RANBP17: variants seen among roughly 807,000 people sequenced by gnomAD.
RANBP17 encodes the protein ran-binding protein 17.
In RANBP17, 158 loss-of-function variants were observed where a neutral mutation model predicts 141.2. The ratio of observed to expected loss-of-function variants is 1.12; its 90% CI spans 0.98 to 1.28. The LOEUF is 1.28. Among genes scored for constraint, RANBP17 ranks in the 50% most tolerant of loss-of-function variants. The pLI, the probability that RANBP17 is intolerant of heterozygous loss-of-function variation, is 0.00. For missense variants in RANBP17, 1,438 were observed against 1,290.7 expected (o/e 1.11, Z -1.75); for synonymous variants, 430 against 450.0 (o/e 0.96, Z 0.56).
intron 24 of RANBP17, chr5:171,251,769 C>T: frequency 9.9e-7 from 1 of 1,013,882 alleles, no homozygotes; most frequent in Non-Finnish European, 1.5e-6. Context: ...CCTCCCGCGC[C>T]CGCCCCCGCC....
Position 171,171,241 on chromosome 5 carries a change from C to A in RANBP17, c.1820C>A (p.Pro607His). ...CTTAAATACTGGGGAAGATATGAGCCTGTAATTTCAAGGACTCTTCAGTTC... is the reference window on the plus strand; with the variant it reads ...CTTAAATACTGGGGAAGATATGAGCATGTAATTTCAAGGACTCTTCAGTTC... ...TNLKYWGRYE[P>H]VISRTLQFLN... Residue 607 changes from proline to histidine, a missense_variant, in exon 16 of 28, where the codon CCT becomes CAT. Transcript: ENST00000523189. The A allele has an allele frequency of 6.3e-7, 1 of 1,597,870 alleles. No individual in the cohort carries two copies. Among genetic ancestry groups the A allele is most frequent in the Non-Finnish European group, 8.6e-7 (1 of 1,169,264 alleles).
intron 14 of RANBP17, among the ~76,000 whole-genome samples, chr5:171,161,985 T>G (rs1421313534): frequency 6.6e-6 from 1 of 152,174 alleles, no homozygotes; most frequent in Non-Finnish European, 1.5e-5. Flanking sequence ...GCCCTAAAAT[T>G]TAATCGTCAT....
chr5:171,104,571 C>G (rs890368708), intron 14 of RANBP17, among the ~76,000 whole-genome samples: 1 of 152,170 alleles, frequency 6.6e-6, no homozygotes, highest in Non-Finnish European at 1.5e-5. Flanking sequence ...CAGAAATGAC[C>G]TGTTAGGAGC....
intron 3 of RANBP17, among the ~76,000 whole-genome samples, chr5:170,886,008 C>T (rs1335907964): frequency 1.3e-5 from 2 of 151,894 alleles, no homozygotes; most frequent in Non-Finnish European, 2.9e-5. Context: ...GGCTTGATGG[C>T]TCTCATGGCT....
intron 13 of RANBP17, among the ~76,000 whole-genome samples, chr5:170,955,021 A>G (rs1341326623): frequency 6.6e-6 from 1 of 152,050 alleles, no homozygotes; most frequent in Non-Finnish European, 1.5e-5. Flanking sequence ...ACCCTAAACT[A>G]CACATGTGAG....
chr5:170,870,516 A>G (rs1436438126), intron 1 of RANBP17, among the ~76,000 whole-genome samples: 1 of 152,152 alleles, frequency 6.6e-6, no homozygotes, highest in Non-Finnish European at 1.5e-5. Flanking sequence ...AATGGCTTCC[A>G]GCTTCATCCA....
chr5:171,006,126 G>A (rs1779583830), intron 14 of RANBP17, among the ~76,000 whole-genome samples: 1 of 152,134 alleles, frequency 6.6e-6, no homozygotes, highest in Non-Finnish European at 1.5e-5. Flanking sequence ...GGAGAAATAG[G>A]AACAGTTTTA....
At chr5:171,019,348 G>T (rs943540060) in intron 14 of RANBP17, among the ~76,000 whole-genome samples, 48 of 152,084 alleles carry the variant, frequency 3.2e-4, no homozygotes, top group African/African-American at 1.2e-3. Context: ...ACTCCTTTTT[G>T]TACCTCTGGT....
At chr5:171,193,736 A>G (rs1761800184) in intron 18 of RANBP17, among the ~76,000 whole-genome samples, 2 of 152,152 alleles carry the variant, frequency 1.3e-5, no homozygotes, top group Non-Finnish European at 2.9e-5. Context: ...CCATGCTGCC[A>G]TCTTTGTGGT....
intron 14 of RANBP17, among the ~76,000 whole-genome samples, chr5:171,119,078 TGTTAAGGTAGTTTCCTTCTATACCAGA>T (rs1375994831): frequency 6.6e-6 from 1 of 152,220 alleles, no homozygotes; most frequent in Non-Finnish European, 1.5e-5. Flanking sequence ...GCCTTTATTG[TGTTAAGGTAGTTTCCTTCTATACCAGA>T]TTTATTGAGA....
chr5:171,132,962 T>C (rs1047955683), intron 14 of RANBP17, among the ~76,000 whole-genome samples: 3 of 152,106 alleles, frequency 2.0e-5, no homozygotes, highest in African/African-American at 7.2e-5. Context: ...CTCAGCTCAC[T>C]GCAACCTCCG....
chr5:171,116,979 G>C (rs937887377), intron 14 of RANBP17, among the ~76,000 whole-genome samples: 4 of 152,146 alleles, frequency 2.6e-5, no homozygotes, highest in Non-Finnish European at 5.9e-5. Context: ...CCATGATTCT[G>C]TGAATGATAG....
intron 14 of RANBP17, among the ~76,000 whole-genome samples, chr5:171,137,434 T>C (rs945231677): frequency 6.6e-6 from 1 of 152,168 alleles, no homozygotes; most frequent in Non-Finnish European, 1.5e-5. Context: ...CCAGCATTTG[T>C]ATAAACTTGG....
At chr5:170,977,227 A>G (rs755013065) in intron 14 of RANBP17, among the ~76,000 whole-genome samples, 7 of 152,126 alleles carry the variant, frequency 4.6e-5, no homozygotes, top group Admixed American at 2.0e-4. Context: ...TGAATGGCCA[A>G]CAAGGACATG....
At chr5:171,208,771 G>C (rs933638498) in intron 20 of RANBP17, among the ~76,000 whole-genome samples, 1 of 152,074 alleles carries the variant, frequency 6.6e-6, no homozygotes, top group Non-Finnish European at 1.5e-5. Flanking sequence ...TCACAATTTC[G>C]CTTTCCATAA....
chr5:170,922,332 C>T (rs2122890), intron 11 of RANBP17, among the ~76,000 whole-genome samples: 3,757 of 152,226 alleles, frequency 0.025, 151 homozygotes, highest in African/African-American at 0.085. Flanking sequence ...GGAGTTTGAA[C>T]GCTGTGCTGA....
At chr5:171,070,422 A>G (rs1784566389) in intron 14 of RANBP17, among the ~76,000 whole-genome samples, 1 of 152,158 alleles carries the variant, frequency 6.6e-6, no homozygotes, top group African/African-American at 2.4e-5. Context: ...CTGAATAAAT[A>G]TAATGTTAAC....
intron 1 of RANBP17, 63 bp from the exon 2 acceptor site, chr5:170,878,034 G>T: frequency 8.4e-7 from 1 of 1,197,354 alleles, no homozygotes; most frequent in African/African-American, 1.5e-5. Context: ...CTTGTTTTTT[G>T]TGGTTAAATA....
intron 3 of RANBP17, among the ~76,000 whole-genome samples, chr5:170,889,566 A>G (rs1370087691): frequency 6.6e-6 from 1 of 152,206 alleles, no homozygotes; most frequent in Non-Finnish European, 1.5e-5. Context: ...ATAGTAATAC[A>G]TAATAGCAGT....
Sources: allele counts gnomAD v4.1 joint callset (sites outside exome capture counted in the v4.1 genomes callset), GRCh38; gene constraint gnomAD v4.1.1; transcripts MANE v1.5; gene names NCBI Gene and HGNC (gene_info 2026-07-23, HGNC 2026-07-21).